ENOX1: variants seen among roughly 807,000 people sequenced by gnomAD.
ENOX1 encodes the protein ecto-NOX disulfide-thiol exchanger 1, also known as candidate growth-related and time keeping constitutive hydroquinone (NADH) oxidase.
Under a neutral mutation model 82.5 loss-of-function variants are expected in ENOX1, and 42 were observed. That is an observed-to-expected ratio of 0.51 (90% CI 0.40 to 0.66). The LOEUF is 0.66. Ranked by LOEUF, ENOX1 falls within the 30% of genes least tolerant of loss-of-function variation. The probability of loss-of-function intolerance (pLI) is 0.00; values close to 1 mark genes in which losing one functional copy is unlikely to be tolerated. For missense variants in ENOX1, 608 were observed against 811.6 expected, an observed-to-expected ratio of 0.75 and a Z score of 3.05; for synonymous variants, 271 against 282.2, an observed-to-expected ratio of 0.96 and a Z score of 0.40.
chr13:43,648,392 T>C (rs566133534), intron 2 of ENOX1, among the ~76,000 whole-genome samples: 53 of 152,222 alleles, frequency 3.5e-4, no homozygotes, highest in Admixed American at 1.9e-3. Flanking sequence ...AGCTGACAGA[T>C]AGAGATTAAG....
intron 2 of ENOX1, among the ~76,000 whole-genome samples, chr13:43,586,048 A>G (rs1283020740): frequency 6.6e-6 from 1 of 152,228 alleles, no homozygotes; most frequent in Non-Finnish European, 1.5e-5. Flanking sequence ...GTAAAAGCCT[A>G]TCTTTTCCTA....
intron 13 of ENOX1, among the ~76,000 whole-genome samples, chr13:43,265,665 T>C (rs902991261): frequency 6.6e-6 from 1 of 152,170 alleles, no homozygotes; most frequent in African/African-American, 2.4e-5. Context: ...GGCAAAAGAA[T>C]AAATGGGTCT....
intron 1 of ENOX1, among the ~76,000 whole-genome samples, chr13:43,727,998 C>T (rs1183433717): frequency 2.6e-5 from 4 of 152,188 alleles, no homozygotes; most frequent in African/African-American, 9.7e-5. Flanking sequence ...AGAAAATATG[C>T]AATAGTTTAA....
rs552003331 is a variant in ENOX1, at chr13:43,223,199, G to A, written c.1800+854C>T. On this transcript the variant is annotated intron_variant, in intron 16 of 16. Coordinates refer to ENST00000690772, the MANE Select transcript of ENOX1 (RefSeq NM_001347969.2). ...TGGTCTGGTCGTACCAATCCCATGC[G>A]TTTTGCTGTGCTCTATGGAGGACCT... Among the ~76,000 whole-genome samples, 6 of 152,284 alleles carry A rather than the reference G, an allele frequency of 3.9e-5. No homozygotes were observed. The South Asian group carries it at 1.0e-3, about 26-fold the overall frequency.
intron 1 of ENOX1, among the ~76,000 whole-genome samples, chr13:43,708,032 G>C (rs1390988231): frequency 6.6e-6 from 1 of 151,970 alleles, no homozygotes; most frequent in African/African-American, 2.4e-5. Context: ...GGTTGTAGCT[G>C]GTGCCAGGAA....
intron 1 of ENOX1, among the ~76,000 whole-genome samples, chr13:43,759,675 G>A (rs1197144927): frequency 6.6e-6 from 1 of 152,194 alleles, no homozygotes. Flanking sequence ...AAAAATAAGA[G>A]TTTAATGATT....
At chr13:43,675,157 C>G (rs1321784202) in intron 1 of ENOX1, among the ~76,000 whole-genome samples, 1 of 152,122 alleles carries the variant, frequency 6.6e-6, no homozygotes, top group Admixed American at 6.6e-5. Flanking sequence ...GAAAATGGAT[C>G]ACAGAGAGGC....
chr13:43,595,125 A>G (rs2081405532), intron 2 of ENOX1, among the ~76,000 whole-genome samples: 1 of 148,670 alleles, frequency 6.7e-6, no homozygotes, highest in Admixed American at 6.8e-5. Context: ...TGCCTTAGGG[A>G]GGGAAAGCGG....
intron 1 of ENOX1, among the ~76,000 whole-genome samples, chr13:43,687,564 T>A (rs1004762427): frequency 6.6e-6 from 1 of 152,172 alleles, no homozygotes; most frequent in Non-Finnish European, 1.5e-5. Flanking sequence ...CTTAATTAGG[T>A]CAATTAAAAT....
intron 2 of ENOX1, among the ~76,000 whole-genome samples, chr13:43,563,633 A>C (rs1329810317): frequency 6.6e-6 from 1 of 152,142 alleles, no homozygotes; most frequent in East Asian, 1.9e-4. Flanking sequence ...ACCTTTACCT[A>C]GATTAATTGA....
chr13:43,773,712 A>C (rs1049621799), intron 1 of ENOX1, among the ~76,000 whole-genome samples: 9 of 152,212 alleles, frequency 5.9e-5, no homozygotes, highest in African/African-American at 1.9e-4. Flanking sequence ...AGTTTTTTCA[A>C]AGTACTTATC....
At chr13:43,457,589 G>A (rs1237461635) in intron 3 of ENOX1, among the ~76,000 whole-genome samples, 1 of 152,062 alleles carries the variant, frequency 6.6e-6, no homozygotes, top group Non-Finnish European at 1.5e-5. Context: ...CAGGAAGACT[G>A]GCCCAACTAA....
intron 11 of ENOX1, among the ~76,000 whole-genome samples, chr13:43,303,515 T>G (rs1035548475): frequency 1.3e-5 from 2 of 152,126 alleles, no homozygotes; most frequent in African/African-American, 4.8e-5. Flanking sequence ...GTGAGCAGTC[T>G]CATCAATGGA....
chr13:43,376,781 G>A (rs879910484), intron 5 of ENOX1, among the ~76,000 whole-genome samples: 1 of 152,142 alleles, frequency 6.6e-6, no homozygotes, highest in Non-Finnish European at 1.5e-5. Context: ...GTGGTACCAG[G>A]CCAGCTCTTG....
intron 3 of ENOX1, among the ~76,000 whole-genome samples, chr13:43,454,869 C>G (rs1249137552): frequency 6.6e-6 from 1 of 150,618 alleles, no homozygotes; most frequent in Non-Finnish European, 1.5e-5. Flanking sequence ...ACACAATTAG[C>G]CCACTGGTTA....
chr13:43,716,396 A>G (rs2088134785), intron 1 of ENOX1, among the ~76,000 whole-genome samples: 1 of 152,090 alleles, frequency 6.6e-6, no homozygotes, highest in Non-Finnish European at 1.5e-5. Flanking sequence ...GAAATGCAGA[A>G]ATCGCCCATC....
At chr13:43,218,048 C>CTT (rs1387093891) in intron 16 of ENOX1, among the ~76,000 whole-genome samples, 1 of 152,182 alleles carries the variant, frequency 6.6e-6, no homozygotes, top group Non-Finnish European at 1.5e-5. Flanking sequence ...GATGGTGGAA[C>CTT]TTAGGCACAG....
intron 10 of ENOX1, among the ~76,000 whole-genome samples, chr13:43,326,103 C>T (rs2048098219): frequency 6.6e-6 from 1 of 151,764 alleles, no homozygotes; most frequent in Non-Finnish European, 1.5e-5. Flanking sequence ...AGCCAGTTTT[C>T]TATTGTAAGC....
intron 9 of ENOX1, among the ~76,000 whole-genome samples, chr13:43,333,756 G>A (rs1353521352): frequency 1.3e-5 from 2 of 152,214 alleles, no homozygotes; most frequent in Non-Finnish European, 2.9e-5. Flanking sequence ...CCGAGTAGCT[G>A]GTATTACAGG....
Sources: allele counts gnomAD v4.1 joint callset (sites outside exome capture counted in the v4.1 genomes callset), GRCh38; gene constraint gnomAD v4.1.1; transcripts MANE v1.5; gene names NCBI Gene and HGNC (gene_info 2026-07-23, HGNC 2026-07-21).